The following KCNAB1 variants were observed in gnomAD, a reference collection of about 807,000 sequenced individuals.
KCNAB1 encodes potassium voltage-gated channel subfamily A regulatory beta subunit 1, also known as voltage-gated potassium channel subunit beta-1.
In KCNAB1, 35 loss-of-function variants were observed where a neutral mutation model predicts 64.6. The observed-to-expected ratio is 0.54, with a 90% confidence interval of 0.41 to 0.72. KCNAB1 has a LOEUF of 0.72. Among genes scored for constraint, KCNAB1 ranks in the 30% least tolerant of loss-of-function variants. KCNAB1 has a pLI of 0.00. For missense variants in KCNAB1, 401 were observed against 512.9 expected (o/e 0.78, Z 2.11); for synonymous variants, 177 against 183.8 (o/e 0.96, Z 0.30).
At chr3:156,344,285 A>G (rs1321272895) in intron 1 of KCNAB1, among the ~76,000 whole-genome samples, 1 of 152,186 alleles carries the variant, frequency 6.6e-6, no homozygotes, top group Non-Finnish European at 1.5e-5. Flanking sequence ...AAAGGGGAGA[A>G]ATTTGCCTTG....
At chr3:156,119,909 C>T (rs1271859804), upstream of KCNAB1, among the ~76,000 whole-genome samples, 1 of 152,128 alleles carries the variant, frequency 6.6e-6, no homozygotes, top group Non-Finnish European at 1.5e-5. Context: ...CAGTTTTGGC[C>T]TTCACCTTCC....
chr3:156,160,888 T>C (rs1232183620), intron 1 of KCNAB1, among the ~76,000 whole-genome samples: 16 of 152,202 alleles, frequency 1.1e-4, no homozygotes, highest in Admixed American at 1.0e-3. Context: ...GAGGTAGTCA[T>C]TGTGGCATGA....
At chr3:156,455,378 A>T (rs909735001) in intron 3 of KCNAB1, among the ~76,000 whole-genome samples, 3 of 152,200 alleles carry the variant, frequency 2.0e-5, no homozygotes, top group Non-Finnish European at 4.4e-5. Context: ...TCATTTATTG[A>T]ATTACCATTT....
chr3:156,130,248 G>A (rs1713914494), intron 1 of KCNAB1, among the ~76,000 whole-genome samples: 1 of 152,160 alleles, frequency 6.6e-6, no homozygotes. Context: ...TGGGCTCTAC[G>A]TCAGCTTAGA....
At chr3:156,492,808 G>A (rs562861315) in intron 8 of KCNAB1, among the ~76,000 whole-genome samples, 1 of 152,240 alleles carries the variant, frequency 6.6e-6, no homozygotes, top group African/African-American at 2.4e-5. Flanking sequence ...AACAGATAAT[G>A]TCTCAAAAGG....
intron 11 of KCNAB1, among the ~76,000 whole-genome samples, chr3:156,517,235 C>T (rs561445622): frequency 6.6e-6 from 1 of 152,178 alleles, no homozygotes; most frequent in Non-Finnish European, 1.5e-5. Context: ...AAGTCTGAAC[C>T]ACCAATCCTT....
intron 1 of KCNAB1, among the ~76,000 whole-genome samples, chr3:156,376,971 C>G (rs2108138476): frequency 6.6e-6 from 1 of 151,468 alleles, no homozygotes; most frequent in East Asian, 1.9e-4. Context: ...TATTTTGTGT[C>G]AAACAGCAAA....
At chr3:156,370,063 C>T (rs964605487) in intron 1 of KCNAB1, among the ~76,000 whole-genome samples, 1 of 152,206 alleles carries the variant, frequency 6.6e-6, no homozygotes, top group East Asian at 1.9e-4. Flanking sequence ...TTTCCACCCT[C>T]TGGACAGTTT....
chr3:156,473,593 G>A (rs571098313), intron 7 of KCNAB1, among the ~76,000 whole-genome samples: 48 of 152,234 alleles, frequency 3.2e-4, no homozygotes, highest in African/African-American at 1.2e-3. Context: ...CTTTTAACAA[G>A]CTACCATCAC....
chr3:156,214,476 G>A (rs1715197136), intron 1 of KCNAB1, among the ~76,000 whole-genome samples: 1 of 152,096 alleles, frequency 6.6e-6, no homozygotes, highest in South Asian at 2.1e-4. Context: ...TGTGAGTAGA[G>A]AATACTGAGT....
At chr3:156,215,766 A>G (rs1388144807) in intron 1 of KCNAB1, 6 of 152,240 alleles carry the variant, frequency 3.9e-5, no homozygotes, top group African/African-American at 1.4e-4. Flanking sequence ...GAAGGATCAG[A>G]GAGAGGCTGA....
intron 1 of KCNAB1, among the ~76,000 whole-genome samples, chr3:156,211,785 T>C (rs1191199056): frequency 6.6e-6 from 1 of 152,198 alleles, no homozygotes; most frequent in Non-Finnish European, 1.5e-5. Context: ...GATATGTCTA[T>C]CTATGTGACA....
Position 156,537,151 on chromosome 3 carries a change from C to G in KCNAB1, c.*404C>G, listed in dbSNP as rs188251314. 2.5e-6 allele frequency: 1 copy of G among 397,256 alleles called. No individual in the cohort carries two copies. The highest frequency in any genetic ancestry group is 2.1e-5 in the African/African-American group (1 of 48,260). The allele number at this position is 397,256 out of a possible 1,614,324, so 24.6% of individuals were successfully genotyped here. ...TTGCGTAAGAAACAGAGTAGATAGA[C>G]TAAATTCAGTGAAGGAAAGGAATTG... On this transcript the variant is annotated 3_prime_UTR_variant, in exon 14 of 14. Transcript: ENST00000490337.
chr3:156,240,617 G>A (rs1226615299), intron 1 of KCNAB1, among the ~76,000 whole-genome samples: 3 of 152,080 alleles, frequency 2.0e-5, no homozygotes, highest in Admixed American at 6.5e-5. Context: ...TAGCAGATGA[G>A]GATTTAACTC....
intron 1 of KCNAB1, chr3:156,176,084 T>C: frequency 1.3e-6 from 1 of 768,844 alleles, no homozygotes. Flanking sequence ...TTGTGCACAT[T>C]TCCTTGAACT....
intron 1 of KCNAB1, among the ~76,000 whole-genome samples, chr3:156,224,894 A>G (rs930433140): frequency 2.6e-5 from 4 of 152,210 alleles, no homozygotes; most frequent in Admixed American, 2.0e-4. Context: ...TCTGAACATA[A>G]CAATAACACA....
chr3:156,328,991 T>C (rs549162385), intron 1 of KCNAB1, among the ~76,000 whole-genome samples: 2 of 152,276 alleles, frequency 1.3e-5, no homozygotes, highest in East Asian at 3.9e-4. Context: ...CTTTTGATAT[T>C]ATCAAAATTT....
chr3:156,210,067 A>C (rs1284916802), intron 1 of KCNAB1, among the ~76,000 whole-genome samples: 1 of 152,160 alleles, frequency 6.6e-6, no homozygotes, highest in African/African-American at 2.4e-5. Flanking sequence ...TGCACTCCTC[A>C]TGGCTGCTCA....
chr3:156,355,634 A>G (rs903174959), intron 1 of KCNAB1, among the ~76,000 whole-genome samples: 6 of 152,220 alleles, frequency 3.9e-5, no homozygotes, highest in African/African-American at 1.4e-4. Context: ...AATTTTGTAA[A>G]TGAGCAAATT....
Sources: gnomAD v4.1 joint callset for allele counts (sites outside exome capture counted in the v4.1 genomes callset) on GRCh38, gnomAD v4.1.1 for gene constraint, MANE v1.5 for transcripts, NCBI Gene and HGNC (gene_info 2026-07-23, HGNC 2026-07-21) for gene names.